Variants in WDR7 observed in about 807,000 individuals in gnomAD.
WDR7 encodes WD repeat domain 7, also known as WD repeat-containing protein 7.
Under a neutral mutation model 169.4 loss-of-function variants are expected in WDR7, and 46 were observed. That is an observed-to-expected ratio of 0.27 (90% CI 0.21 to 0.35). The LOEUF is 0.35. Ranked by LOEUF, WDR7 falls within the 10% of genes least tolerant of loss-of-function variation. The pLI is 1.00. For missense variants in WDR7, 1,534 were observed against 1,859.3 expected (o/e 0.83, Z 3.22); for synonymous variants, 612 against 666.8 (o/e 0.92, Z 1.27).
In WDR7 at chr18:56,681,296, A is replaced by G; in HGVS notation, c.267-17A>G. The G allele has an allele frequency of 6.4e-7, 1 of 1,554,284 alleles. No individual in the cohort carries two copies. The highest frequency in any genetic ancestry group is 8.7e-7 in the Non-Finnish European group (1 of 1,149,458). On this transcript the variant is annotated splice_polypyrimidine_tract_variant and intron_variant, in intron 3 of 27. Transcript: ENST00000254442. ...TAAAAAGTCACACTCAAAGCTGACC[A>G]TTATTTTGTTTTATAGAGAGATGTG...
chr18:56,775,502 G>A (rs1157619659), intron 16 of WDR7, among the ~76,000 whole-genome samples: 1 of 152,010 alleles, frequency 6.6e-6, no homozygotes, highest in Non-Finnish European at 1.5e-5. Context: ...TAGGTCTTAT[G>A]AAATATAGAA....
chr18:56,676,138 C>G (rs1384102893), intron 2 of WDR7, among the ~76,000 whole-genome samples: 1 of 152,146 alleles, frequency 6.6e-6, no homozygotes, highest in Non-Finnish European at 1.5e-5. Context: ...CTTTCTCTGT[C>G]TCTTCTTATA....
chr18:56,936,885 A>G (rs2046967570), intron 23 of WDR7, among the ~76,000 whole-genome samples: 1 of 152,232 alleles, frequency 6.6e-6, no homozygotes, highest in Non-Finnish European at 1.5e-5. Context: ...TTTAAAATGC[A>G]CATATGTATG....
At chr18:56,830,938 C>G (rs963769496) in intron 20 of WDR7, among the ~76,000 whole-genome samples, 1 of 152,124 alleles carries the variant, frequency 6.6e-6, no homozygotes, top group Non-Finnish European at 1.5e-5. Context: ...AACTCCTGAC[C>G]TCCTCTAGCA....
chr18:56,839,538 C>T (rs2045448326), intron 20 of WDR7, among the ~76,000 whole-genome samples: 1 of 152,082 alleles, frequency 6.6e-6, no homozygotes, highest in African/African-American at 2.4e-5. Flanking sequence ...AACATTAGGT[C>T]AGTGAATTGA....
At chr18:56,707,658 G>A (rs910450587) in intron 12 of WDR7, among the ~76,000 whole-genome samples, 12 of 152,010 alleles carry the variant, frequency 7.9e-5, no homozygotes, top group Non-Finnish European at 1.2e-4. Flanking sequence ...CATGCAAAGC[G>A]TTTGTCAACA....
chr18:56,874,752 C>T (rs1011818543), intron 20 of WDR7, among the ~76,000 whole-genome samples: 3 of 152,030 alleles, frequency 2.0e-5, no homozygotes, highest in African/African-American at 7.2e-5. Context: ...GAATGGCAAA[C>T]ATCCAGAACT....
At chr18:56,725,486 T>G (rs1472812800) in intron 13 of WDR7, among the ~76,000 whole-genome samples, 2 of 152,150 alleles carry the variant, frequency 1.3e-5, no homozygotes, top group Non-Finnish European at 2.9e-5. Context: ...CTTTGCCCAC[T>G]TTTTGATGGG....
chr18:57,010,311 A>C, intron 26 of WDR7: 1 of 982,148 alleles, frequency 1.0e-6, no homozygotes, highest in Non-Finnish European at 1.2e-6. Context: ...GAGCAGTGTA[A>C]ATATTTGATA....
intron 20 of WDR7, among the ~76,000 whole-genome samples, chr18:56,833,636 A>G (rs2045352425): frequency 6.6e-6 from 1 of 152,164 alleles, no homozygotes; most frequent in Non-Finnish European, 1.5e-5. Flanking sequence ...TGGTGTAGAG[A>G]ATATTAGTGT....
At chr18:56,836,999 C>T (rs1042376134) in intron 20 of WDR7, among the ~76,000 whole-genome samples, 9 of 152,268 alleles carry the variant, frequency 5.9e-5, no homozygotes, top group Admixed American at 3.3e-4. Flanking sequence ...ACACAACAAA[C>T]GTGTAAACAA....
At chr18:56,766,085 A>T (rs142062432) in intron 16 of WDR7, among the ~76,000 whole-genome samples, 11 of 151,430 alleles carry the variant, frequency 7.3e-5, no homozygotes, top group African/African-American at 2.2e-4. Flanking sequence ...TGCTTTGAAG[A>T]TGATATTCTG....
At chr18:56,657,887 G>C (rs527269703) in intron 1 of WDR7, among the ~76,000 whole-genome samples, 1 of 151,048 alleles carries the variant, frequency 6.6e-6, no homozygotes, top group East Asian at 1.9e-4. Flanking sequence ...AATAAAATTG[G>C]ATTTTTTTTC....
chr18:56,895,197 A>G (rs2046315329), intron 21 of WDR7, among the ~76,000 whole-genome samples: 2 of 152,044 alleles, frequency 1.3e-5, no homozygotes, highest in Admixed American at 1.3e-4. Flanking sequence ...TGGAAAACCA[A>G]GGATATCCAT....
At chr18:56,862,643 T>G (rs1421794394) in intron 20 of WDR7, among the ~76,000 whole-genome samples, 3 of 151,770 alleles carry the variant, frequency 2.0e-5, no homozygotes, top group Admixed American at 2.0e-4. Flanking sequence ...GTAACAATAG[T>G]GAAAATTTTT....
intron 21 of WDR7, among the ~76,000 whole-genome samples, chr18:56,886,689 A>G (rs897332891): frequency 2.1e-4 from 32 of 152,238 alleles, no homozygotes; most frequent in African/African-American, 7.2e-4. Context: ...GGCAGAATGG[A>G]TAAGAATTCA....
chr18:56,750,242 T>A (rs1382119864), intron 14 of WDR7, among the ~76,000 whole-genome samples: 2 of 152,194 alleles, frequency 1.3e-5, no homozygotes, highest in Non-Finnish European at 2.9e-5. Flanking sequence ...GTCAGATTCC[T>A]TATTTAAAAT....
intron 20 of WDR7, among the ~76,000 whole-genome samples, chr18:56,824,893 G>A (rs1436524520): frequency 6.6e-6 from 1 of 152,230 alleles, no homozygotes; most frequent in African/African-American, 2.4e-5. Flanking sequence ...AATGTGCTTT[G>A]TAACTTGTCT....
At chr18:57,025,515 C>A (rs1011371702) in intron 27 of WDR7, among the ~76,000 whole-genome samples, 2 of 152,166 alleles carry the variant, frequency 1.3e-5, no homozygotes, top group African/African-American at 4.8e-5. Flanking sequence ...AACTGCCTGG[C>A]TGGAAACAGG....
Sources: allele counts gnomAD v4.1 joint callset (sites outside exome capture counted in the v4.1 genomes callset), GRCh38; gene constraint gnomAD v4.1.1; transcripts MANE v1.5; gene names NCBI Gene and HGNC (gene_info 2026-07-23, HGNC 2026-07-21).